DPAGT1: variants seen among roughly 807,000 people sequenced by gnomAD.
DPAGT1 encodes UDP-N-acetylglucosamine--dolichyl-phosphate N-acetylglucosaminephosphotransferase.
DPAGT1 carries 25 observed loss-of-function variants against 39.3 expected under a neutral mutation model. The observed-to-expected ratio is 0.64, with a 90% CI of 0.46 to 0.89. The LOEUF is 0.89. Among genes scored for constraint, DPAGT1 ranks in the 40% least tolerant of loss-of-function variants. DPAGT1 has a pLI of 0.00. For synonymous variants in DPAGT1, 193 were observed against 201.4 expected (o/e 0.96, Z 0.36); for missense variants, 381 against 500.6 (o/e 0.76, Z 2.28).
chr11:119,101,633 G>A lies in DPAGT1; in HGVS notation c.23C>T (p.Pro8Leu), dbSNP rs776159757. 2 of 1,614,260 alleles carry A rather than the reference G, an allele frequency of 1.2e-6. No homozygotes were observed. The highest frequency in any genetic ancestry group is 2.2e-5 in the South Asian group (2 of 91,086). MWAFSEL[P>L]MPLLINLIVS... is the part of the protein sequence containing the mutation. The stretch of plus-strand genomic sequence containing the variant: ...GATCAAATTGATCAGCAGCGGCATG[G>A]GCAATTCCGAGAAGGCCCACATGGT... Residue 8 changes from proline to leucine, a missense_variant, in exon 1 of 9, where the codon CCC becomes CTC. Physicochemically the swap from Pro to Leu is moderately conservative, Grantham distance 98 (BLOSUM62 -3). Coordinates refer to ENST00000354202, the MANE Select transcript of DPAGT1 (RefSeq NM_001382.4).
downstream of DPAGT1, among the ~76,000 whole-genome samples, chr11:119,095,846 A>G (rs1226685231): frequency 6.6e-6 from 1 of 152,184 alleles, no homozygotes; most frequent in Non-Finnish European, 1.5e-5. Context: ...GGTCAATATT[A>G]TAGCTACTGC....
At chr11:119,098,336 G>T (rs1042693843) in intron 5 of DPAGT1, 67 bp downstream of exon 5, 11 of 1,527,934 alleles carry the variant, frequency 7.2e-6, no homozygotes, top group Non-Finnish European at 3.6e-6. Flanking sequence ...CCACAAGGTG[G>T]GTTATGATAA....
chr11:119,097,119 A>G lies in DPAGT1; in HGVS notation c.1161+23T>C. Reference sequence around the variant, plus strand: ...CACGCAGAAAGGGAGACACGGAGGTATAAACTCGATTCCCATCCTCACCTG... The same window carrying G: ...CACGCAGAAAGGGAGACACGGAGGTGTAAACTCGATTCCCATCCTCACCTG... On this transcript the variant is annotated intron_variant, in intron 8 of 8. Coordinates refer to ENST00000354202, the MANE Select transcript of DPAGT1 (RefSeq NM_001382.4). The surrounding 1 kb of genome is among the most constrained non-coding windows in gnomAD (Gnocchi z 4.6). 4 of 1,614,240 alleles carry G rather than the reference A, an allele frequency of 2.5e-6. No homozygotes were observed. The highest frequency in any genetic ancestry group is 3.4e-6 in the Non-Finnish European group (4 of 1,180,034).
downstream of DPAGT1, chr11:119,095,215 G>A (rs375251697): frequency 3.7e-6 from 6 of 1,613,890 alleles, no homozygotes; most frequent in Non-Finnish European, 5.1e-6. Context: ...GGATCTCAGC[G>A]GTGAGGTACT....
At chr11:119,095,329 G>A (rs748295236), downstream of DPAGT1, 5 of 1,603,812 alleles carry the variant, frequency 3.1e-6, no homozygotes, top group Non-Finnish European at 4.3e-6. Context: ...ACTGGAGGCC[G>A]GCGCGCGACG....
intron 4 of DPAGT1, 61 bp from the exon 5 acceptor site, chr11:119,098,548 C>A: frequency 6.4e-7 from 1 of 1,565,190 alleles, no homozygotes; most frequent in South Asian, 1.1e-5. Flanking sequence ...AAACCTTGGT[C>A]CTATTTTTGT....
Position 119,097,864 on chromosome 11 carries a change from C to A in DPAGT1, c.908G>T (p.Arg303Leu), listed in dbSNP as rs771322037. ...LLHIIPCPRH[R>L]IPRLNIKTGK... Reference sequence around the variant, plus strand: ...GCCAAAAAGCGGCTACCTGGGTATGCGGTGGCGAGGGCAGGGGATGATATG... The same window carrying A: ...GCCAAAAAGCGGCTACCTGGGTATGAGGTGGCGAGGGCAGGGGATGATATG... The change falls in exon 6 of 9, where the codon CGC becomes CTC. Residue 303 changes from arginine (R) to leucine (L), a missense_variant. Transcript: ENST00000354202. The surrounding 1 kb of genome is among the most constrained non-coding windows in gnomAD (Gnocchi z 4.6). 3 of 1,613,854 alleles carry A rather than the reference C, an allele frequency of 1.9e-6. No individual in the cohort carries two copies. Among genetic ancestry groups the A allele is most frequent in the Non-Finnish European group, 2.5e-6 (3 of 1,179,942 alleles).
downstream of DPAGT1, chr11:119,095,568 G>T (rs1052765095): frequency 4.2e-6 from 3 of 708,968 alleles, no homozygotes; most frequent in Non-Finnish European, 6.5e-6. Flanking sequence ...GTTGGTTGCG[G>T]TTAACCCTTG....
intron 5 of DPAGT1, 32 bp downstream of exon 5, chr11:119,098,371 G>A: frequency 6.2e-7 from 1 of 1,601,900 alleles, no homozygotes; most frequent in East Asian, 2.2e-5. Context: ...ATGTGTTCAG[G>A]TAGTTGTCCC....
chr11:119,101,391 T>A (rs1242197205), intron 1 of DPAGT1, 104 bp downstream of exon 1: 9 of 1,601,058 alleles, frequency 5.6e-6, no homozygotes, highest in East Asian at 2.2e-5. Flanking sequence ...CCTGGGTTAG[T>A]TCTGAGTCTT....
chr11:119,097,450 T>C lies in DPAGT1; in HGVS notation c.1005+14A>G. The stretch of plus-strand genomic sequence containing the variant: ...ATGGCAGCCTAGGGCCTTACCTCCT[T>C]GTTACCCTGTTACCTTTAAAATAAA... On this transcript the variant is annotated intron_variant, in intron 7 of 8. Coordinates refer to ENST00000354202, the MANE Select transcript of DPAGT1 (RefSeq NM_001382.4). The surrounding 1 kb of genome is among the most constrained non-coding windows in gnomAD (Gnocchi z 4.6). 4 of 1,614,164 alleles carry C rather than the reference T, an allele frequency of 2.5e-6. No homozygotes were observed. The highest frequency in any genetic ancestry group is 3.4e-6 in the Non-Finnish European group (4 of 1,179,998).
At chr11:119,101,253 G>A (rs1946500062) in intron 1 of DPAGT1, 115 bp from the exon 2 acceptor site, 2 of 1,508,910 alleles carry the variant, frequency 1.3e-6, no homozygotes, top group South Asian at 1.2e-5. Flanking sequence ...TTTTATTCTG[G>A]TAAGTGGTGA....
downstream of DPAGT1, among the ~76,000 whole-genome samples, chr11:119,096,165 G>C (rs1946389564): frequency 6.6e-6 from 1 of 152,064 alleles, no homozygotes; most frequent in Non-Finnish European, 1.5e-5. Flanking sequence ...GTCTCGTTTT[G>C]TTGCCCAGGC....
rs1185483085 is a variant in DPAGT1 at position 119,100,730 on chromosome 11, G to GGCAGCTGTAGGTAGCA, written c.380_395dup (p.Ser133AlafsTer64). The GGCAGCTGTAGGTAGCA allele has an allele frequency of 7.4e-6, 12 of 1,614,168 alleles. No individual in the cohort carries two copies. Among genetic ancestry groups the GGCAGCTGTAGGTAGCA allele is most frequent in the Admixed American group, 3.3e-5 (2 of 60,012 alleles). On this transcript the variant is annotated frameshift_variant, in exon 3 of 9. Transcript: ENST00000354202. LOFTEE classifies it high-confidence loss of function. ...AATAGACCATGAGGAGAGGTAGTGA[G>GGCAGCTGTAGGTAGCA]GCAGCTGTAGGTAGCAGCAGCTTAT... is the stretch of plus-strand genomic sequence containing the variant.
rs1285909585 is a variant in DPAGT1, at chr11:119,098,575, G to A, written c.644-88C>T. 85 of 1,335,828 alleles carry A rather than the reference G, an allele frequency of 6.4e-5. No individual in the cohort carries two copies. In the Admixed American group the frequency reaches 1.3e-3, roughly 21 times the overall value. 82.7% of individuals were successfully genotyped at this position (1,335,828 alleles called of 1,614,324 possible). A position where few individuals can be genotyped will look rare whatever the true frequency, so the allele number is the denominator to read the frequency against. On this transcript the variant is annotated intron_variant, in intron 4 of 8. Coordinates refer to ENST00000354202, the MANE Select transcript of DPAGT1 (RefSeq NM_001382.4). ...TATTTTTGTCTAAGTTCTGTTTACA[G>A]CTGTTATCATCCACCTCACCCAAGT...
Position 119,100,266 on chromosome 11 carries a change from C to T in DPAGT1, c.639G>A (p.Leu213=), listed in dbSNP as rs759999337. The T allele has an allele frequency of 5.0e-6, 8 of 1,614,046 alleles. No individual in the cohort carries two copies. Among genetic ancestry groups the T allele is most frequent in the African/African-American group, 4.0e-5 (3 of 74,904 alleles). ...CCCACCCCCAATCCCACCTACCTTC[C>T]AACTCTACCAGGTTGAAGACAATGA... The part of the protein sequence containing the change: ...ASIIVFNLVE[L]EGDCRDDHVF... The change falls in exon 4 of 9, where the codon TTG becomes TTA. Residue 213 remains leucine (L), a synonymous_variant. Transcript: ENST00000354202.
At chr11:119,101,165 G>A in intron 1 of DPAGT1, 27 bp from the exon 2 acceptor site, 1 of 1,613,552 alleles carries the variant, frequency 6.2e-7, no homozygotes, top group Non-Finnish European at 8.5e-7. Flanking sequence ...AGGGGGCGAG[G>A]GGGAAGAGGA....
In DPAGT1 at chr11:119,097,803, A is replaced by C; in HGVS notation, c.917+52T>G. ...CAGCAAATGTATAGGCTGGCATTAG[A>C]TATCCCAAGTGAAAAGGCTATGATG... On this transcript the variant is annotated intron_variant, in intron 6 of 8. Coordinates refer to ENST00000354202, the MANE Select transcript of DPAGT1 (RefSeq NM_001382.4). The surrounding 1 kb of genome is among the most constrained non-coding windows in gnomAD (Gnocchi z 4.6). The C allele has an allele frequency of 6.2e-7, 1 of 1,609,440 alleles. No individual in the cohort carries two copies. Among genetic ancestry groups the C allele is most frequent in the Non-Finnish European group, 8.5e-7 (1 of 1,176,202 alleles).
rs1946505549 is a variant in DPAGT1 at position 119,101,485 on chromosome 11, C to A, written c.161+10G>T. ...TTGCCCCCTGCCCGGACCCGTGTGC[C>A]GCTGCTCACATCTGCTGTCGGCTGG... On this transcript the variant is annotated intron_variant, in intron 1 of 8. Coordinates refer to ENST00000354202, the MANE Select transcript of DPAGT1 (RefSeq NM_001382.4). The A allele has an allele frequency of 6.2e-7, 1 of 1,613,894 alleles. No individual in the cohort carries two copies. Among genetic ancestry groups the A allele is most frequent in the Non-Finnish European group, 8.5e-7 (1 of 1,179,904 alleles).
Sources: allele counts gnomAD v4.1 joint callset (sites outside exome capture counted in the v4.1 genomes callset), GRCh38; gene constraint gnomAD v4.1.1; non-coding constraint Gnocchi (gnomAD v3.1); transcripts MANE v1.5; gene names NCBI Gene and HGNC (gene_info 2026-07-23, HGNC 2026-07-21).